The following PDIK1L variants were observed in gnomAD, a reference collection of about 807,000 sequenced individuals.
The protein encoded by PDIK1L is serine/threonine-protein kinase PDIK1L.
Under a neutral mutation model 27.1 loss-of-function variants are expected in PDIK1L, and 9 were observed. The observed-to-expected ratio is 0.33, with a 90% confidence interval of 0.20 to 0.58. PDIK1L has a LOEUF of 0.58. Among genes scored for constraint, PDIK1L ranks in the 20% least tolerant of loss-of-function variants. The pLI, the probability that PDIK1L is intolerant of heterozygous loss-of-function variation, is 0.86. For missense variants in PDIK1L, 216 were observed against 413.2 expected (o/e 0.52, Z 4.14); for synonymous variants, 130 against 141.7 (o/e 0.92, Z 0.59).
chr1:26,113,483 G>A (rs188231798), intron 1 of PDIK1L, among the ~76,000 whole-genome samples: 4 of 135,922 alleles, frequency 2.9e-5, no homozygotes, highest in Non-Finnish European at 6.2e-5. Context: ...CAGAGCGAGA[G>A]AGCGAGACTC....
In PDIK1L at chr1:26,123,745, T is replaced by C. The variant is rs986140498; in HGVS notation, c.*1168T>C. On this transcript the variant is annotated 3_prime_UTR_variant, in exon 3 of 3. Transcript: ENST00000374269. ...TTTATCTAAAGTGGGAGAAGATACA[T>C]ACACAGTATGGCAAATGGATAAAAT... 1.3e-5 allele frequency: 2 copies of C among 152,650 alleles called. No homozygotes were observed. Among genetic ancestry groups the C allele is most frequent in the African/African-American group, 2.4e-5 (1 of 41,460 alleles). 9.5% of individuals were successfully genotyped at this position (152,650 alleles called of 1,614,324 possible).
In PDIK1L at chr1:26,114,577, C is replaced by A; in HGVS notation, c.269C>A (p.Ser90Tyr). Residue 90 changes from serine (S) to tyrosine (Y), a missense_variant, in exon 2 of 3, where the codon TCT (serine) becomes TAT (tyrosine). Ser to Tyr is a moderately radical substitution (Grantham distance 144). Coordinates refer to ENST00000374269, the MANE Select transcript of PDIK1L (RefSeq NM_152835.5). The surrounding 1 kb of genome is among the most constrained non-coding windows in gnomAD (Gnocchi z 4.8). ...CAAAAGATGTCCCACGGCTCTAATTCTTCCCTTTATTTACAGGTATGTGTT... is the reference window on the plus strand; with the variant it reads ...CAAAAGATGTCCCACGGCTCTAATTATTCCCTTTATTTACAGGTATGTGTT... ...MVQKMSHGSN[S>Y]SLYLQLVETS... The A allele has an allele frequency of 6.2e-7, 1 of 1,613,514 alleles. No homozygotes were observed. The highest frequency in any genetic ancestry group is 8.5e-7 in the Non-Finnish European group (1 of 1,179,484).
rs1192770258 is a variant in PDIK1L, at chr1:26,114,362, T to G, written c.54T>G (p.Ser18Arg). 1 of 1,614,090 alleles carries G rather than the reference T, an allele frequency of 6.2e-7. No homozygotes were observed. The highest frequency in any genetic ancestry group is 2.2e-5 in the East Asian group (1 of 44,880). ...TAATACGGGAGGTAGGCCGAGGTAG[T>G]TACGGTGTTGTGTATGAAGCAGTCA... ...YDLIREVGRGSYGVVYEAVIR... is the reference protein window; with the variant it reads ...YDLIREVGRGRYGVVYEAVIR... The change falls in exon 2 of 3, where the codon AGT becomes AGG. Residue 18 changes from serine to arginine, a missense_variant. Ser to Arg is a moderately radical substitution (Grantham distance 110). Transcript: ENST00000374269. This position sits in a 1 kb window ranked among gnomAD's most constrained non-coding sequence, Gnocchi z 4.8.
At position 26,124,563 on chromosome 1, in the gene PDIK1L, C is replaced by T. The variant is rs1380405095; in HGVS notation, c.*1986C>T. On this transcript the variant is annotated 3_prime_UTR_variant, in exon 3 of 3. Coordinates refer to ENST00000374269, the MANE Select transcript of PDIK1L (RefSeq NM_152835.5). ...CATTTGCTCTTCAAATATCTATGTG[C>T]TTGGAGCCACAGTTTCCTAAGCGCA... is the stretch of plus-strand genomic sequence containing the variant. 6.6e-6 allele frequency: 1 copy of T among 152,136 alleles called. No individual in the cohort carries two copies. Among genetic ancestry groups the T allele is most frequent in the Non-Finnish European group, 1.5e-5 (1 of 68,014 alleles). The allele number at this position is 152,136 out of a possible 1,614,324, so 9.4% of individuals were successfully genotyped here. A position where few individuals can be genotyped will look rare whatever the true frequency, so the allele number is the denominator to read the frequency against.
In PDIK1L at chr1:26,121,848, T is replaced by C. The variant is rs779353086; in HGVS notation, c.297T>C (p.Thr99=). 1.5e-5 allele frequency: 24 copies of C among 1,608,252 alleles called. No individual in the cohort carries two copies. The highest frequency in any genetic ancestry group is 1.9e-5 in the Non-Finnish European group (22 of 1,177,688). ...CTTCCTTCTTGTAGCTTGTAGAAAC[T>C]TCATTAAAAGGAGAAATTGCCTTTG... ...NSSLYLQLVE[T]SLKGEIAFDP... The change falls in exon 3 of 3, where the codon ACT becomes ACC. Residue 99 remains threonine (T), a synonymous_variant. Coordinates refer to ENST00000374269, the MANE Select transcript of PDIK1L (RefSeq NM_152835.5).
At chr1:26,117,595 T>G (rs1172985461) in intron 2 of PDIK1L, among the ~76,000 whole-genome samples, 2 of 151,886 alleles carry the variant, frequency 1.3e-5, no homozygotes, top group Non-Finnish European at 2.9e-5. Context: ...TACAAAAAAT[T>G]AGCCAGGTGT....
At chr1:26,112,148 C>T (rs1279582768) in intron 1 of PDIK1L, among the ~76,000 whole-genome samples, 1 of 152,222 alleles carries the variant, frequency 6.6e-6, no homozygotes, top group Non-Finnish European at 1.5e-5. Context: ...AGGGCTGGCT[C>T]CTCAGAGCGA....
chr1:26,121,616 CT>C (rs1043331326), intron 2 of PDIK1L, among the ~76,000 whole-genome samples: 4 of 152,036 alleles, frequency 2.6e-5, no homozygotes, highest in African/African-American at 9.7e-5. Context: ...ATTTTTACCC[CT>C]TGGTTTAGAG....
At chr1:26,111,610 C>T (rs1458095001), upstream of PDIK1L, among the ~76,000 whole-genome samples, 1 of 151,526 alleles carries the variant, frequency 6.6e-6, no homozygotes, top group Non-Finnish European at 1.5e-5. The surrounding 1 kb of genome is among the most constrained non-coding windows in gnomAD (Gnocchi z 4.0). Context: ...CTGCGGGGAG[C>T]AGCACCAGTG....
In PDIK1L at chr1:26,118,276, G is replaced by A. The variant is rs552874976; in HGVS notation, c.286-3561G>A. The stretch of plus-strand genomic sequence containing the variant: ...TTCAAGACTGCAGTGAGCCATGATC[G>A]CACCACTGCACTCTAGCCTTTATCA... On this transcript the variant is annotated intron_variant, in intron 2 of 2. Coordinates refer to ENST00000374269, the MANE Select transcript of PDIK1L (RefSeq NM_152835.5). Among the ~76,000 whole-genome samples the A allele has an allele frequency of 3.3e-5, 5 of 152,212 alleles. No homozygotes were observed. The East Asian group carries it at 7.7e-4, about 24-fold the overall frequency.
Position 26,123,071 on chromosome 1 carries a change from T to C in PDIK1L, c.*494T>C, listed in dbSNP as rs2088018732. 2 of 152,608 alleles carry C rather than the reference T, an allele frequency of 1.3e-5. No individual in the cohort carries two copies. Among genetic ancestry groups the C allele is most frequent in the African/African-American group, 4.8e-5 (2 of 41,432 alleles). 9.5% of individuals were successfully genotyped at this position (152,608 alleles called of 1,614,324 possible). A position where few individuals can be genotyped will look rare whatever the true frequency, so the allele number is the denominator to read the frequency against. On this transcript the variant is annotated 3_prime_UTR_variant, in exon 3 of 3. Coordinates refer to ENST00000374269, the MANE Select transcript of PDIK1L (RefSeq NM_152835.5). ...TGCCACGTCTGTTTAAATTATTTGA[T>C]GTAGGTTTGGGTTTTTGAGATTTGC...
At chr1:26,112,051 C>A (rs2087805605) in intron 1 of PDIK1L, 136 bp downstream of exon 1, 1 of 152,462 alleles carries the variant, frequency 6.6e-6, no homozygotes, top group South Asian at 2.1e-4. Context: ...CTCCTCAGGC[C>A]ACCGACCCCA....
At chr1:26,116,876 C>T (rs966513077) in intron 2 of PDIK1L, among the ~76,000 whole-genome samples, 5 of 151,138 alleles carry the variant, frequency 3.3e-5, no homozygotes, top group Admixed American at 1.3e-4. Context: ...CCACCACGCC[C>T]GGCTAATTTT....
intron 2 of PDIK1L, among the ~76,000 whole-genome samples, chr1:26,118,160 A>G (rs1209957297): frequency 6.6e-6 from 1 of 152,118 alleles, no homozygotes; most frequent in Non-Finnish European, 1.5e-5. Context: ...AGATATTTAA[A>G]CAAAAGATTT....
At chr1:26,120,484 A>T (rs1358661213) in intron 2 of PDIK1L, among the ~76,000 whole-genome samples, 1 of 152,242 alleles carries the variant, frequency 6.6e-6, no homozygotes, top group Admixed American at 6.5e-5. Flanking sequence ...ATTGTCTGCC[A>T]TGTGGAGAGA....
intron 2 of PDIK1L, among the ~76,000 whole-genome samples, chr1:26,115,859 G>A (rs2087868083): frequency 6.6e-6 from 1 of 151,498 alleles, no homozygotes; most frequent in Admixed American, 6.6e-5. Context: ...CTTTCTTTGA[G>A]TGTGTCTAAA....
At chr1:26,115,939 G>A (rs930731191) in intron 2 of PDIK1L, among the ~76,000 whole-genome samples, 2 of 151,916 alleles carry the variant, frequency 1.3e-5, no homozygotes, top group Admixed American at 6.6e-5. Flanking sequence ...GGCTCATCAC[G>A]CCTGTAATCC....
chr1:26,113,498 TAAAAAAAAAAAAA>T (rs67443362), intron 1 of PDIK1L, among the ~76,000 whole-genome samples: 16 of 91,056 alleles, frequency 1.8e-4, no homozygotes, highest in Non-Finnish European at 2.6e-4. Context: ...AGACTCCGTC[TAAAAAAAAAAAAA>T]AAAAAAAAGA....
In PDIK1L at chr1:26,121,701, G is replaced by A. The variant is rs965584148; in HGVS notation, c.286-136G>A. ...TAAAGTTTAAAATGCATATTTGAAA[G>A]CACTGATTAAATAAAATATTTATAG... On this transcript the variant is annotated intron_variant, in intron 2 of 2. Coordinates refer to ENST00000374269, the MANE Select transcript of PDIK1L (RefSeq NM_152835.5). The A allele has an allele frequency of 2.2e-5, 20 of 907,250 alleles. 1 individual carries two copies. In the South Asian group the frequency reaches 3.6e-4, roughly 16 times the overall value. The allele number at this position is 907,250 out of a possible 1,614,324, so 56.2% of individuals were successfully genotyped here. A position where few individuals can be genotyped will look rare whatever the true frequency, so the allele number is the denominator to read the frequency against.
Sources: allele counts gnomAD v4.1 joint callset (sites outside exome capture counted in the v4.1 genomes callset), GRCh38; gene constraint gnomAD v4.1.1; non-coding constraint Gnocchi (gnomAD v3.1); transcripts MANE v1.5; gene names NCBI Gene and HGNC (gene_info 2026-07-23, HGNC 2026-07-21).